The following LRP6 variants were observed in gnomAD, a reference collection of about 807,000 sequenced individuals.
The protein encoded by LRP6 is low-density lipoprotein receptor-related protein 6.
LRP6 carries 43 observed loss-of-function variants against 184.1 expected under a neutral mutation model. The observed-to-expected ratio is 0.23, with a 90% CI of 0.18 to 0.30. The LOEUF is 0.30. Ranked by LOEUF, LRP6 falls within the 10% of genes least tolerant of loss-of-function variation. The pLI is 1.00. For missense variants in LRP6, 1,571 were observed against 2,005.3 expected, an observed-to-expected ratio of 0.78 and a Z score of 4.14; for synonymous variants, 719 against 684.9, an observed-to-expected ratio of 1.05 and a Z score of -0.78.
chr12:12,137,400 C>A (rs1400910068), intron 16 of LRP6, among the ~76,000 whole-genome samples: 1 of 149,440 alleles, frequency 6.7e-6, no homozygotes, highest in Non-Finnish European at 1.5e-5. Context: ...TAGCCATTTT[C>A]AAAAAAAAAT....
At chr12:12,218,952 T>C (rs1323871111) in intron 2 of LRP6, among the ~76,000 whole-genome samples, 2 of 152,016 alleles carry the variant, frequency 1.3e-5, no homozygotes, top group African/African-American at 2.4e-5. Context: ...TAAAAAACAA[T>C]GTGGGGCTGG....
intron 9 of LRP6, among the ~76,000 whole-genome samples, chr12:12,163,934 G>A (rs1163743310): frequency 1.3e-5 from 2 of 152,016 alleles, no homozygotes; most frequent in African/African-American, 2.4e-5. Flanking sequence ...GAGTTCGAGC[G>A]GCCTGGCCAA....
At chr12:12,175,721 TAAAATA>T (rs1437560284) in intron 7 of LRP6, among the ~76,000 whole-genome samples, 2 of 147,648 alleles carry the variant, frequency 1.4e-5, no homozygotes, top group East Asian at 2.0e-4. Flanking sequence ...TAAAATAAAA[TAAAATA>T]AAATAAATAA....
At chr12:12,135,364 G>T in intron 16 of LRP6, 64 bp from the exon 17 acceptor site, 1 of 1,177,028 alleles carries the variant, frequency 8.5e-7, no homozygotes, top group Non-Finnish European at 1.3e-6. Flanking sequence ...AAGTGGGAGA[G>T]AAGAGAAAAA....
At chr12:12,182,647 C>G (rs1022630179) in intron 5 of LRP6, among the ~76,000 whole-genome samples, 2 of 152,186 alleles carry the variant, frequency 1.3e-5, no homozygotes, top group African/African-American at 2.4e-5. Context: ...AATATCAGCC[C>G]TTTCACTCTA....
chr12:12,228,640 T>G (rs1342930322), intron 2 of LRP6, among the ~76,000 whole-genome samples: 1 of 152,158 alleles, frequency 6.6e-6, no homozygotes, highest in African/African-American at 2.4e-5. Flanking sequence ...GTCACATCAG[T>G]GGCAGCATTA....
In LRP6 at chr12:12,147,671, T is replaced by G. The variant is rs1273771493; in HGVS notation, c.3207-115A>C. On this transcript the variant is annotated intron_variant, in intron 14 of 22. Transcript: ENST00000261349. ...ATTTTTAAGTATTGTTTTTAAAAGT[T>G]TTAAAATACGTATTTTTTGACCAGG... 3.3e-6 allele frequency: 3 copies of G among 913,776 alleles called. No homozygotes were observed. In the Admixed American group the frequency reaches 6.5e-5, roughly 20 times the overall value. 56.6% of individuals were successfully genotyped at this position (913,776 alleles called of 1,614,324 possible). A position where few individuals can be genotyped will look rare whatever the true frequency, so the allele number is the denominator to read the frequency against.
At chr12:12,256,181 A>C (rs1264297612) in intron 1 of LRP6, among the ~76,000 whole-genome samples, 1 of 152,232 alleles carries the variant, frequency 6.6e-6, no homozygotes, top group Non-Finnish European at 1.5e-5. Context: ...ATTTAACTGC[A>C]ACAGGACGAT....
intron 5 of LRP6, among the ~76,000 whole-genome samples, chr12:12,182,508 G>A (rs956657612): frequency 7.2e-5 from 11 of 152,006 alleles, no homozygotes; most frequent in African/African-American, 2.7e-4. Context: ...TAAGCAAATT[G>A]ACAACTGAAA....
At chr12:12,176,247 G>A (rs1225499320) in intron 7 of LRP6, among the ~76,000 whole-genome samples, 1 of 152,076 alleles carries the variant, frequency 6.6e-6, no homozygotes, top group Non-Finnish European at 1.5e-5. Context: ...AAGTAAACTA[G>A]GTTTGTCCAC....
At chr12:12,197,051 T>G (rs1042457068) in intron 3 of LRP6, among the ~76,000 whole-genome samples, 1 of 152,244 alleles carries the variant, frequency 6.6e-6, no homozygotes, top group African/African-American at 2.4e-5. Context: ...AATTGCTTCT[T>G]TCTTGTATTT....
At chr12:12,177,557 A>C (rs1863225529) in intron 7 of LRP6, among the ~76,000 whole-genome samples, 1 of 152,114 alleles carries the variant, frequency 6.6e-6, no homozygotes, top group African/African-American at 2.4e-5. Context: ...GAAGAGCTGC[A>C]CTCTTTCTTT....
chr12:12,205,730 G>C (rs943935015), intron 2 of LRP6, among the ~76,000 whole-genome samples: 1 of 152,184 alleles, frequency 6.6e-6, no homozygotes, highest in African/African-American at 2.4e-5. Flanking sequence ...ATGAAGAACA[G>C]AAATTCAAAC....
At chr12:12,135,588 G>T (rs953549847) in intron 16 of LRP6, among the ~76,000 whole-genome samples, 1 of 151,284 alleles carries the variant, frequency 6.6e-6, no homozygotes, top group Admixed American at 6.6e-5. Flanking sequence ...CTGCTTCCCA[G>T]GTTCAAGTGC....
At chr12:12,184,607 T>C (rs904159422) in intron 4 of LRP6, among the ~76,000 whole-genome samples, 2 of 152,192 alleles carry the variant, frequency 1.3e-5, no homozygotes, top group African/African-American at 4.8e-5. Context: ...CTTTGGGGGC[T>C]ATAAACTGGG....
chr12:12,253,502 G>C (rs907891848), intron 1 of LRP6, among the ~76,000 whole-genome samples: 1 of 151,460 alleles, frequency 6.6e-6, no homozygotes, highest in Admixed American at 6.6e-5. Context: ...GTATACATGT[G>C]CCATGTTGGT....
chr12:12,200,112 T>G (rs777269539), intron 3 of LRP6, among the ~76,000 whole-genome samples: 3 of 152,092 alleles, frequency 2.0e-5, no homozygotes, highest in Non-Finnish European at 4.4e-5. Flanking sequence ...CTGCAAGAAT[T>G]TCAGCATACT....
intron 3 of LRP6, among the ~76,000 whole-genome samples, chr12:12,191,134 T>C (rs1403562946): frequency 6.6e-6 from 1 of 152,142 alleles, no homozygotes; most frequent in East Asian, 1.9e-4. Context: ...AGCTATGAGG[T>C]GTTCTGGCCA....
In LRP6 at chr12:12,203,206, T is replaced by C; in HGVS notation, c.644A>G (p.Asn215Ser). 6.2e-7 allele frequency: 1 copy of C among 1,603,568 alleles called. No homozygotes were observed. Among genetic ancestry groups the C allele is most frequent in the South Asian group, 1.1e-5 (1 of 88,998 alleles). Residue 215 changes from asparagine (N) to serine (S), a missense_variant, in exon 3 of 23, where the codon AAT becomes AGT. Transcript: ENST00000261349. ...TTTCTAATTCTTGTAATCTTACCGATTTGTTCCATCCAGATTTGATTTGTG... is the reference window on the plus strand; with the variant it reads ...TTTCTAATTCTTGTAATCTTACCGACTTGTTCCATCCAGATTTGATTTGTG... ...FIHKSNLDGT[N>S]RQAVVKGSLP...
Sources: allele counts gnomAD v4.1 joint callset (sites outside exome capture counted in the v4.1 genomes callset), GRCh38; gene constraint gnomAD v4.1.1; transcripts MANE v1.5; gene names NCBI Gene and HGNC (gene_info 2026-07-23, HGNC 2026-07-21).